Variants in TIAM2 observed in about 807,000 individuals in gnomAD.
TIAM2 encodes the protein rho guanine nucleotide exchange factor TIAM2.
In TIAM2, 80 loss-of-function variants were observed where a neutral mutation model predicts 152.9. The ratio of observed to expected loss-of-function variants is 0.52; its 90% CI spans 0.44 to 0.63. The LOEUF (loss-of-function observed/expected upper bound fraction) is 0.63, where lower values mean the gene tolerates loss of function less well. Ranked by LOEUF, TIAM2 falls within the 30% of genes least tolerant of loss-of-function variation. The pLI, the probability that TIAM2 is intolerant of heterozygous loss-of-function variation, is 0.00. For missense variants in TIAM2, 1,965 were observed against 2,120.1 expected, an observed-to-expected ratio of 0.93 and a Z score of 1.44; for synonymous variants, 804 against 838.0, an observed-to-expected ratio of 0.96 and a Z score of 0.70.
intron 7 of TIAM2, among the ~76,000 whole-genome samples, chr6:155,159,981 AT>A (rs1583220942): frequency 6.6e-6 from 1 of 152,156 alleles, no homozygotes; most frequent in East Asian, 1.9e-4. Context: ...AAACAGTAGG[AT>A]GTGTGTATAC....
intron 15 of TIAM2, among the ~76,000 whole-genome samples, chr6:155,228,864 C>A (rs1285854259): frequency 6.6e-6 from 1 of 152,200 alleles, no homozygotes; most frequent in Non-Finnish European, 1.5e-5. Flanking sequence ...CAGGGGTCCT[C>A]CCTGTGACTC....
chr6:155,043,616 AGAGT>A (rs1777095070), intron 1 of TIAM2, among the ~76,000 whole-genome samples: 1 of 140,650 alleles, frequency 7.1e-6, no homozygotes. Flanking sequence ...CCTGGGTGAC[AGAGT>A]GAGACCCTGT....
chr6:155,200,630 G>A (rs1411103315), intron 14 of TIAM2, among the ~76,000 whole-genome samples: 1 of 152,106 alleles, frequency 6.6e-6, no homozygotes, highest in Admixed American at 6.6e-5. Context: ...CAAGGCCAGG[G>A]TCAGTCCCTC....
At chr6:155,109,984 C>A (rs1248138540) in intron 2 of TIAM2, among the ~76,000 whole-genome samples, 3 of 142,188 alleles carry the variant, frequency 2.1e-5, no homozygotes, top group African/African-American at 8.0e-5. Context: ...GAGTCTCACT[C>A]TTTTACCCAG....
At chr6:155,220,993 C>T (rs1458024804) in intron 15 of TIAM2, among the ~76,000 whole-genome samples, 1 of 152,026 alleles carries the variant, frequency 6.6e-6, no homozygotes, top group East Asian at 1.9e-4. Flanking sequence ...TCAGCTTCCA[C>T]TTACGAGACA....
intron 2 of TIAM2, among the ~76,000 whole-genome samples, chr6:155,093,955 T>C (rs1778355668): frequency 6.6e-6 from 1 of 152,218 alleles, no homozygotes; most frequent in African/African-American, 2.4e-5. Context: ...TGTGTTTGTA[T>C]TTTGTCATTT....
intron 15 of TIAM2, among the ~76,000 whole-genome samples, chr6:155,219,001 G>GCCCACCCGTGTTCTTGACCATCTCAGCCA (rs1365505509): frequency 7.1e-6 from 1 of 141,136 alleles, no homozygotes; most frequent in African/African-American, 2.7e-5. Flanking sequence ...CATCTCAGCC[G>GCCCACCCGTGTTCTTGACCATCTCAGCCA]TGTTCTTGAC....
Position 155,183,258 on chromosome 6 carries a change from T to C in TIAM2, c.2822T>C (p.Ile941Thr), listed in dbSNP as rs766128468. The change falls in exon 14 of 27, where the codon ATC (isoleucine) becomes ACC (threonine). Residue 941 changes from isoleucine (I) to threonine (T), a missense_variant. Physicochemically the swap from Ile to Thr is moderately conservative, Grantham distance 89. Transcript: ENST00000682666. ...YGEGLRKGNE[I>T]MTLNGEAVSD... ...TCAGGGCTGAGAAAGGGCAATGAGA[T>C]CATGACCTTAAATGGGGAAGCTGTG... 4 of 1,614,218 alleles carry C rather than the reference T, an allele frequency of 2.5e-6. No homozygotes were observed. In the South Asian group the frequency reaches 4.4e-5, roughly 18 times the overall value.
intron 14 of TIAM2, among the ~76,000 whole-genome samples, chr6:155,207,827 G>A (rs928820424): frequency 9.2e-5 from 14 of 152,206 alleles, no homozygotes; most frequent in African/African-American, 3.4e-4. Context: ...TTCCCTAAGT[G>A]AATGAGTACC....
At chr6:155,137,139 C>T (rs201694973) in intron 4 of TIAM2, 38 bp from the exon 5 acceptor site, 181 of 1,590,824 alleles carry the variant, frequency 1.1e-4, no homozygotes, top group African/African-American at 2.8e-4. Flanking sequence ...TTTGGATAGC[C>T]GTAAGCTCTG....
intron 1 of TIAM2, among the ~76,000 whole-genome samples, chr6:155,061,511 G>A (rs924558817): frequency 3.9e-5 from 6 of 152,200 alleles, no homozygotes; most frequent in Middle Eastern, 3.4e-3. Flanking sequence ...CTTGAGTCGC[G>A]TTGTTTACGA....
chr6:155,152,352 G>A (rs569243018), intron 7 of TIAM2, among the ~76,000 whole-genome samples: 1 of 152,324 alleles, frequency 6.6e-6, no homozygotes, highest in South Asian at 2.1e-4. Flanking sequence ...CACGAGCCCA[G>A]CTTGCCTCCT....
intron 16 of TIAM2, among the ~76,000 whole-genome samples, chr6:155,241,399 A>G (rs1783028223): frequency 6.6e-6 from 1 of 152,158 alleles, no homozygotes; most frequent in African/African-American, 2.4e-5. Context: ...GCAGCGCGGC[A>G]CGGTGCGGTG....
chr6:155,152,758 AG>A lies in TIAM2; in HGVS notation c.2028+4425del, dbSNP rs1780005864. On this transcript the variant is annotated intron_variant, in intron 7 of 26. Transcript: ENST00000682666. ...TAGGGTCAGATGTTTAGGGCTAGGG[AG>A]AGAAAAGGGACATTTGGCAACACTG... Among the ~76,000 whole-genome samples, 3 of 152,126 alleles carry A rather than the reference AG, an allele frequency of 2.0e-5. No homozygotes were observed. In the South Asian group the frequency reaches 6.3e-4, roughly 32 times the overall value.
At chr6:155,141,058 G>C (rs1276689465) in intron 5 of TIAM2, among the ~76,000 whole-genome samples, 4 of 152,176 alleles carry the variant, frequency 2.6e-5, no homozygotes, top group Admixed American at 6.5e-5. Flanking sequence ...GGGTAGTGAT[G>C]GGCCTGAGTT....
At chr6:155,034,254 G>C (rs984574146) in intron 1 of TIAM2, among the ~76,000 whole-genome samples, 8 of 148,906 alleles carry the variant, frequency 5.4e-5, no homozygotes, top group Non-Finnish European at 1.2e-4. Context: ...TGGTTTTTTT[G>C]TTTTTGTTTT....
At chr6:155,027,985 G>A in intron 1 of TIAM2, among the ~76,000 whole-genome samples, 1 of 123,026 alleles carries the variant, frequency 8.1e-6, no homozygotes, top group Non-Finnish European at 1.6e-5. Flanking sequence ...TATGTACTGT[G>A]TTACATATAT....
At position 155,113,585 on chromosome 6, in the gene TIAM2, G is replaced by A. The variant is rs73004919; in HGVS notation, c.-117-13905G>A. ...AAAAAAATACAAAAATTAGCTGGGC[G>A]TTATGGTGGGCTCCTGTAGTGCCAG... On this transcript the variant is annotated intron_variant, in intron 2 of 26. Coordinates refer to ENST00000682666, the MANE Select transcript of TIAM2 (RefSeq NM_012454.4). 9.0e-3 allele frequency among the ~76,000 whole-genome samples: 1,375 copies of A among 152,090 alleles called. 8 individuals carry two copies. The highest frequency in any genetic ancestry group is 0.031 in the South Asian group (150 of 4,810).
chr6:155,197,407 G>A (rs1781371751), intron 14 of TIAM2, among the ~76,000 whole-genome samples: 1 of 152,048 alleles, frequency 6.6e-6, no homozygotes, highest in African/African-American at 2.4e-5. Flanking sequence ...AATGATTGAG[G>A]AAAAATGGGG....
Sources: allele counts gnomAD v4.1 joint callset (sites outside exome capture counted in the v4.1 genomes callset), GRCh38; gene constraint gnomAD v4.1.1; transcripts MANE v1.5; gene names NCBI Gene and HGNC (gene_info 2026-07-23, HGNC 2026-07-21).